PCDH17: variants seen among roughly 807,000 people sequenced by gnomAD.
PCDH17 encodes the protein protocadherin-17.
A neutral mutation model predicts 67.7 loss-of-function variants in PCDH17; 21 were observed. The ratio of observed to expected loss-of-function variants is 0.31; its 90% confidence interval spans 0.22 to 0.45. The LOEUF is 0.45. Ranked by LOEUF, PCDH17 falls within the 20% of genes least tolerant of loss-of-function variation. The probability of loss-of-function intolerance (pLI) is 1.00; values close to 1 mark genes in which losing one functional copy is unlikely to be tolerated. For synonymous variants in PCDH17, 701 were observed against 656.7 expected, an observed-to-expected ratio of 1.07 and a Z score of -1.03; for missense variants, 1,471 against 1,564.8, an observed-to-expected ratio of 0.94 and a Z score of 1.01.
intron 1 of PCDH17, among the ~76,000 whole-genome samples, chr13:57,647,242 T>G (rs1954976143): frequency 6.6e-6 from 1 of 151,842 alleles, no homozygotes. Context: ...TTAAAAGACT[T>G]TGAAAAGTCA....
At chr13:57,670,817 G>A (rs1351251791) in intron 3 of PCDH17, among the ~76,000 whole-genome samples, 4 of 151,452 alleles carry the variant, frequency 2.6e-5, no homozygotes, top group Admixed American at 6.6e-5. Flanking sequence ...TATTTGTTCC[G>A]TTCCTGATAT....
chr13:57,640,890 A>T (rs112684419), intron 1 of PCDH17, among the ~76,000 whole-genome samples: 2 of 152,122 alleles, frequency 1.3e-5, no homozygotes, highest in African/African-American at 4.8e-5. Context: ...TTACAAATGC[A>T]CCCGCTAATT....
intron 3 of PCDH17, among the ~76,000 whole-genome samples, chr13:57,668,718 A>G (rs1955285187): frequency 6.6e-6 from 1 of 152,108 alleles, no homozygotes. Context: ...CTAGTCTAAG[A>G]GTAAGAATGC....
At chr13:57,693,023 C>A (rs73207455) in intron 3 of PCDH17, among the ~76,000 whole-genome samples, 7,910 of 150,336 alleles carry the variant, frequency 0.053, 258 homozygotes, top group Middle Eastern at 0.095. Context: ...AGTGGAATTT[C>A]TCAGCTTTTC....
chr13:57,641,398 T>C (rs1954890948), intron 1 of PCDH17, among the ~76,000 whole-genome samples: 1 of 149,346 alleles, frequency 6.7e-6, no homozygotes, highest in Non-Finnish European at 1.5e-5. Context: ...CTAAGATCAA[T>C]ATATTTAAGG....
Position 57,632,923 on chromosome 13 carries a change from A to G in PCDH17, c.377A>G (p.Asn126Ser), listed in dbSNP as rs1954748680. 1.9e-6 allele frequency: 3 copies of G among 1,613,932 alleles called. No individual in the cohort carries two copies. Among genetic ancestry groups the G allele is most frequent in the Admixed American group, 3.3e-5 (2 of 59,998 alleles). Reference sequence around the variant, plus strand: ...ATCAAGGTAGAGATCCAGGACATCAACGACAACGCGCCCTCCTTCTCCTCG... The same window carrying G: ...ATCAAGGTAGAGATCCAGGACATCAGCGACAACGCGCCCTCCTTCTCCTCG... ...CMIKVEIQDI[N>S]DNAPSFSSDQ... Residue 126 changes from asparagine (N) to serine (S), a missense_variant, in exon 1 of 4, where the codon AAC becomes AGC. Physicochemically the swap from Asn to Ser is conservative, Grantham distance 46 (BLOSUM62 1). Transcript: ENST00000377918.
Position 57,632,253 on chromosome 13 carries a change from C to G in PCDH17, c.-294C>G. 2.1e-6 allele frequency: 1 copy of G among 472,216 alleles called. No individual in the cohort carries two copies. The highest frequency in any genetic ancestry group is 3.8e-5 in the East Asian group (1 of 26,102). The allele number at this position is 472,216 out of a possible 1,614,324, so 29.3% of individuals were successfully genotyped here. A position where few individuals can be genotyped will look rare whatever the true frequency, so the allele number is the denominator to read the frequency against. On this transcript the variant is annotated 5_prime_UTR_variant, in exon 1 of 4. Transcript: ENST00000377918. ...CGAAGTCCGGGCGGGAGAGACGAAA[C>G]CCCTGGCTCACCCCCAGCCGCAGGA...
intron 3 of PCDH17, among the ~76,000 whole-genome samples, chr13:57,717,527 A>T (rs921097317): frequency 3.3e-5 from 5 of 151,946 alleles, no homozygotes; most frequent in African/African-American, 1.2e-4. Flanking sequence ...GGTGCATTGA[A>T]CAGTAAGTGC....
At chr13:57,691,437 G>A (rs1459728867) in intron 3 of PCDH17, among the ~76,000 whole-genome samples, 1 of 151,102 alleles carries the variant, frequency 6.6e-6, no homozygotes, top group African/African-American at 2.4e-5. Flanking sequence ...TTTTTTAAAT[G>A]ATGGGATAAA....
intron 3 of PCDH17, among the ~76,000 whole-genome samples, chr13:57,703,185 T>G (rs1165294216): frequency 6.6e-6 from 1 of 152,180 alleles, no homozygotes; most frequent in African/African-American, 2.4e-5. Flanking sequence ...TTTGAGGTTA[T>G]GGGTTTTTTA....
intron 3 of PCDH17, among the ~76,000 whole-genome samples, chr13:57,714,311 A>G (rs1408861565): frequency 6.6e-6 from 1 of 151,742 alleles, no homozygotes; most frequent in Admixed American, 6.6e-5. Context: ...CCCAATAGCA[A>G]TCAGACAGCA....
At chr13:57,648,298 A>G (rs1382862435) in intron 1 of PCDH17, among the ~76,000 whole-genome samples, 1 of 151,974 alleles carries the variant, frequency 6.6e-6, no homozygotes, top group Admixed American at 6.6e-5. Flanking sequence ...GCATTAAGGT[A>G]GAATCAACAT....
intron 1 of PCDH17, among the ~76,000 whole-genome samples, chr13:57,647,699 C>T (rs995643689): frequency 5.9e-5 from 9 of 151,622 alleles, no homozygotes; most frequent in African/African-American, 2.2e-4. Context: ...TTAATTTAGG[C>T]TTGAGTATAT....
chr13:57,726,002 A>G lies in PCDH17; in HGVS notation c.*708A>G, dbSNP rs892532638. 2.0e-5 allele frequency: 3 copies of G among 152,530 alleles called. No homozygotes were observed. The highest frequency in any genetic ancestry group is 7.2e-5 in the African/African-American group (3 of 41,474). 9.4% of individuals were successfully genotyped at this position (152,530 alleles called of 1,614,324 possible). A position where few individuals can be genotyped will look rare whatever the true frequency, so the allele number is the denominator to read the frequency against. ...ATACAGTCCATTTTGTCCTGCACAC[A>G]CGTAGACTAATTCACGTCATTAAAG... On this transcript the variant is annotated 3_prime_UTR_variant, in exon 4 of 4. Transcript: ENST00000377918.
chr13:57,661,666 G>T (rs1955185630), intron 1 of PCDH17, among the ~76,000 whole-genome samples: 1 of 152,148 alleles, frequency 6.6e-6, no homozygotes, highest in Non-Finnish European at 1.5e-5. Context: ...GTATGTGTGT[G>T]TGTCTAATGT....
chr13:57,690,482 T>C (rs1233082528), intron 3 of PCDH17, among the ~76,000 whole-genome samples: 1 of 151,686 alleles, frequency 6.6e-6, no homozygotes, highest in East Asian at 1.9e-4. Flanking sequence ...AAAGAGATCA[T>C]TTAATGATGT....
At chr13:57,642,418 T>C (rs760647518) in intron 1 of PCDH17, among the ~76,000 whole-genome samples, 20 of 151,682 alleles carry the variant, frequency 1.3e-4, no homozygotes, top group Non-Finnish European at 2.5e-4. Context: ...ATTATATTGA[T>C]ACATAATTTA....
intron 3 of PCDH17, among the ~76,000 whole-genome samples, chr13:57,713,398 A>G (rs1955793353): frequency 6.6e-6 from 1 of 151,722 alleles, no homozygotes; most frequent in African/African-American, 2.4e-5. Flanking sequence ...GTTACAGGTA[A>G]TAAGAACAGA....
At chr13:57,699,741 ATCT>A (rs1955644985) in intron 3 of PCDH17, among the ~76,000 whole-genome samples, 4 of 151,998 alleles carry the variant, frequency 2.6e-5, no homozygotes, top group Admixed American at 2.0e-4. Context: ...AATGATAAAG[ATCT>A]TCTACCGCAT....
Sources: allele counts gnomAD v4.1 joint callset (sites outside exome capture counted in the v4.1 genomes callset), GRCh38; gene constraint gnomAD v4.1.1; transcripts MANE v1.5; gene names NCBI Gene and HGNC (gene_info 2026-07-23, HGNC 2026-07-21).